Variants in KBTBD8 observed in about 807,000 individuals in gnomAD.
KBTBD8 encodes the protein kelch repeat and BTB domain-containing protein 8.
KBTBD8 carries 31 observed loss-of-function variants against 53.5 expected under a neutral mutation model. The observed-to-expected ratio is 0.58, with a 90% CI of 0.44 to 0.78. The LOEUF (loss-of-function observed/expected upper bound fraction) is 0.78, where lower values mean the gene tolerates loss of function less well. Ranked by LOEUF, KBTBD8 falls within the 30% of genes least tolerant of loss-of-function variation. The pLI is 0.00. For missense variants in KBTBD8, 642 were observed against 735.8 expected (o/e 0.87, Z 1.48); for synonymous variants, 250 against 247.3 (o/e 1.01, Z -0.10).
intron 1 of KBTBD8, 73 bp from the exon 2 acceptor site, chr3:66,998,908 A>C: frequency 8.4e-7 from 1 of 1,195,062 alleles, no homozygotes; most frequent in Non-Finnish European, 1.2e-6. Flanking sequence ...AAGCAGACAC[A>C]CAAACAGAAA....
At chr3:67,006,624 T>C (rs1006256154) in intron 3 of KBTBD8, among the ~76,000 whole-genome samples, 2 of 152,194 alleles carry the variant, frequency 1.3e-5, no homozygotes, top group South Asian at 2.1e-4. Flanking sequence ...ACAAGCTATT[T>C]TAAGTTAGTT....
intron 2 of KBTBD8, among the ~76,000 whole-genome samples, chr3:67,002,393 C>T (rs1446228113): frequency 6.6e-6 from 1 of 151,638 alleles, no homozygotes; most frequent in Non-Finnish European, 1.5e-5. Flanking sequence ...CTAAGATGAA[C>T]ATTTTAAAGA....
Position 67,003,560 on chromosome 3 carries a change from G to A in KBTBD8, c.593G>A (p.Ser198Asn). Reference protein sequence around the residue: ...FLQLTKDQLISILDSDDLNVD... With the variant: ...FLQLTKDQLINILDSDDLNVD... ...CAGTTGACAAAAGACCAACTGATAA[G>A]TATACTAGACAGTGACGATTTAAAT... The change falls in exon 3 of 4, where the codon AGT becomes AAT. Residue 198 changes from serine to asparagine, a missense_variant. Physicochemically the swap from Ser to Asn is conservative, Grantham distance 46. Transcript: ENST00000417314. The A allele has an allele frequency of 6.2e-7, 1 of 1,614,088 alleles. No homozygotes were observed. The highest frequency in any genetic ancestry group is 1.1e-5 in the South Asian group (1 of 91,088).
At position 67,003,757 on chromosome 3, in the gene KBTBD8, A is replaced by T. The variant is rs774402018; in HGVS notation, c.790A>T (p.Ser264Cys). The change falls in exon 3 of 4, where the codon AGC (serine) becomes TGC (cysteine). Residue 264 changes from serine to cysteine, a missense_variant. Physicochemically the swap from Ser to Cys is moderately radical, Grantham distance 112. Transcript: ENST00000417314. ...TCAGTTTGCACAGGCTATAGCCAAA[A>T]GCTGTGTAGAAAAGGGACCATCCAA... ...PPQFAQAIAK[S>C]CVEKGPSNTN... is the part of the protein sequence containing the mutation. 6.2e-7 allele frequency: 1 copy of T among 1,614,162 alleles called. No homozygotes were observed. The highest frequency in any genetic ancestry group is 8.5e-7 in the Non-Finnish European group (1 of 1,180,004).
chr3:67,004,086 A>C lies in KBTBD8; in HGVS notation c.1119A>C (p.Lys373Asn). 6.2e-7 allele frequency: 1 copy of C among 1,614,130 alleles called. No individual in the cohort carries two copies. The highest frequency in any genetic ancestry group is 1.1e-5 in the South Asian group (1 of 91,088). The change falls in exon 3 of 4, where the codon AAA becomes AAC. Residue 373 changes from lysine (K) to asparagine (N), a missense_variant. Coordinates refer to ENST00000417314, the MANE Select transcript of KBTBD8 (RefSeq NM_032505.3). ...YDHSTNRWLS[K>N]PSLLRARIGC... is the part of the protein sequence containing the mutation. ...ATTCCACCAATAGATGGCTATCCAA[A>C]CCATCCTTGCTTCGAGCCAGAATAG... is the stretch of plus-strand genomic sequence containing the variant.
chr3:66,999,179 G>A lies in KBTBD8; in HGVS notation c.215G>A (p.Ser72Asn). 1 of 1,614,022 alleles carries A rather than the reference G, an allele frequency of 6.2e-7. No individual in the cohort carries two copies. Among genetic ancestry groups the A allele is most frequent in the Non-Finnish European group, 8.5e-7 (1 of 1,179,870 alleles). The change falls in exon 2 of 4, where the codon AGC (serine) becomes AAC (asparagine). Residue 72 changes from serine (S) to asparagine (N), a missense_variant. Coordinates refer to ENST00000417314, the MANE Select transcript of KBTBD8 (RefSeq NM_032505.3). ...SCHRNVLAAISPYFRSMFTSG... is the reference protein window; with the variant it reads ...SCHRNVLAAINPYFRSMFTSG... The stretch of plus-strand genomic sequence containing the variant: ...CATAGAAACGTTCTTGCTGCAATCA[G>A]CCCTTACTTCAGGTATGATGATGGT...
At chr3:67,003,142 A>G in intron 2 of KBTBD8, 53 bp from the exon 3 acceptor site, 1 of 1,529,442 alleles carries the variant, frequency 6.5e-7, no homozygotes, top group Non-Finnish European at 8.9e-7. Flanking sequence ...ATCTTGCCAC[A>G]ATAATTTTGA....
chr3:67,006,848 G>A (rs1197756757), intron 3 of KBTBD8, among the ~76,000 whole-genome samples: 1 of 152,158 alleles, frequency 6.6e-6, no homozygotes, highest in African/African-American at 2.4e-5. Flanking sequence ...TGTTCATAAA[G>A]TGTTCAGATT....
intron 2 of KBTBD8, among the ~76,000 whole-genome samples, chr3:66,999,769 A>G (rs529170103): frequency 3.3e-5 from 5 of 152,206 alleles, no homozygotes; most frequent in Non-Finnish European, 5.9e-5. Context: ...TTACCACTCA[A>G]TAGATTGTTT....
intron 2 of KBTBD8, 78 bp from the exon 3 acceptor site, chr3:67,003,117 C>T: frequency 1.4e-6 from 2 of 1,393,628 alleles, no homozygotes; most frequent in Non-Finnish European, 2.0e-6. Context: ...TTTGTGGTAA[C>T]TTTGTACTTT....
chr3:67,000,809 CATACTT>C, intron 2 of KBTBD8, among the ~76,000 whole-genome samples: 1 of 152,038 alleles, frequency 6.6e-6, no homozygotes, highest in Admixed American at 6.5e-5. Context: ...ATTTAAATGT[CATACTT>C]ATGTATGCTT....
Position 67,004,207 on chromosome 3 carries a change from T to C in KBTBD8, c.1240T>C (p.Tyr414His). The C allele has an allele frequency of 6.2e-7, 1 of 1,614,196 alleles. No homozygotes were observed. The highest frequency in any genetic ancestry group is 8.5e-7 in the Non-Finnish European group (1 of 1,180,020). ...AAACTCACTAAAATCTGTTGAGTGCTACGACAGTAGAGAGAATTGTTGGAC... is the reference window on the plus strand; with the variant it reads ...AAACTCACTAAAATCTGTTGAGTGCCACGACAGTAGAGAGAATTGTTGGAC... ...GRNSLKSVECYDSRENCWTTV... is the reference protein window; with the variant it reads ...GRNSLKSVECHDSRENCWTTV... Residue 414 changes from tyrosine (Y) to histidine (H), a missense_variant, in exon 3 of 4, where the codon TAC (tyrosine) becomes CAC (histidine). By Grantham distance (83) the Tyr-to-His change is moderately conservative. Coordinates refer to ENST00000417314, the MANE Select transcript of KBTBD8 (RefSeq NM_032505.3).
At chr3:67,005,201 C>T (rs1702054700) in intron 3 of KBTBD8, among the ~76,000 whole-genome samples, 2 of 152,126 alleles carry the variant, frequency 1.3e-5, no homozygotes, top group South Asian at 4.2e-4. Flanking sequence ...TAGCAACATC[C>T]TTATTCCTCG....
chr3:67,003,478 T>C lies in KBTBD8; in HGVS notation c.511T>C (p.Ser171Pro), dbSNP rs1702035494. The change falls in exon 3 of 4, where the codon TCA becomes CCA. Residue 171 changes from serine (S) to proline (P), a missense_variant. Ser to Pro is a moderately conservative substitution (Grantham distance 74). Transcript: ENST00000417314. Reference protein sequence around the residue: ...HYGHQELGDRSKEYIRKKFLC... With the variant: ...HYGHQELGDRPKEYIRKKFLC... ...TGGTCATCAGGAACTCGGAGATCGA[T>C]CAAAAGAATACATTCGTAAAAAGTT... 7 of 1,614,128 alleles carry C rather than the reference T, an allele frequency of 4.3e-6. No individual in the cohort carries two copies. The highest frequency in any genetic ancestry group is 5.9e-6 in the Non-Finnish European group (7 of 1,180,018).
intron 3 of KBTBD8, among the ~76,000 whole-genome samples, 159 bp from the exon 4 acceptor site, chr3:67,007,763 C>T (rs916596513): frequency 7.9e-5 from 12 of 152,042 alleles, no homozygotes; most frequent in Non-Finnish European, 1.8e-4. Context: ...TTTTGTAACC[C>T]ATATGAATGT....
intron 1 of KBTBD8, among the ~76,000 whole-genome samples, chr3:66,998,628 C>T (rs1701984645): frequency 6.6e-6 from 1 of 152,068 alleles, no homozygotes; most frequent in African/African-American, 2.4e-5. Context: ...GGGGCACCGG[C>T]GGCCGCCGTT....
At chr3:67,007,599 G>C (rs1051309038) in intron 3 of KBTBD8, among the ~76,000 whole-genome samples, 2 of 152,058 alleles carry the variant, frequency 1.3e-5, no homozygotes, top group African/African-American at 2.4e-5. Context: ...GATTACAGGC[G>C]TGAGCCACTG....
At chr3:67,000,394 A>C (rs1702006702) in intron 2 of KBTBD8, among the ~76,000 whole-genome samples, 2 of 152,244 alleles carry the variant, frequency 1.3e-5, no homozygotes, top group Admixed American at 1.3e-4. Flanking sequence ...AGATATGGTT[A>C]GGTCATTTGT....
chr3:67,005,630 T>C (rs942095788), intron 3 of KBTBD8, among the ~76,000 whole-genome samples: 1 of 151,982 alleles, frequency 6.6e-6, no homozygotes, highest in Non-Finnish European at 1.5e-5. Flanking sequence ...CTTTCTTTCT[T>C]CTTTCCCCTC....
Sources: allele counts gnomAD v4.1 joint callset (sites outside exome capture counted in the v4.1 genomes callset), GRCh38; gene constraint gnomAD v4.1.1; transcripts MANE v1.5; gene names NCBI Gene and HGNC (gene_info 2026-07-23, HGNC 2026-07-21).